The following PCDH15 variants were observed in gnomAD, a reference collection of about 807,000 sequenced individuals.
The protein encoded by PCDH15 is protocadherin-15.
In PCDH15, 129 loss-of-function variants were observed where a neutral mutation model predicts 178.5. The ratio of observed to expected loss-of-function variants is 0.72; its 90% CI spans 0.63 to 0.84. The LOEUF (loss-of-function observed/expected upper bound fraction) is 0.84. Among genes scored for constraint, PCDH15 ranks in the 40% least tolerant of loss-of-function variants. The pLI, the probability that PCDH15 is intolerant of heterozygous loss-of-function variation, is 0.00. For synonymous variants in PCDH15, 800 were observed against 732.0 expected (o/e 1.09, Z -1.50); for missense variants, 2,230 against 2,099.9 (o/e 1.06, Z -1.21).
intron 2 of PCDH15, among the ~76,000 whole-genome samples, chr10:55,341,786 TATATATATATATATATATA>T (rs1440805445): frequency 6.8e-3 from 87 of 12,804 alleles, no homozygotes; most frequent in African/African-American, 0.014. Flanking sequence ...TATATATATA[TATATATATATATATATATA>T]TTTTTTTTTT....
chr10:54,603,819 C>A (rs1484177768), intron 2 of PCDH15, among the ~76,000 whole-genome samples: 1 of 151,964 alleles, frequency 6.6e-6, no homozygotes, highest in African/African-American at 2.4e-5. Context: ...CACATTCTCT[C>A]TTCTTCCAAG....
At chr10:53,825,203 G>A (rs545195200) in intron 32 of PCDH15, 2 of 1,498,180 alleles carry the variant, frequency 1.3e-6, no homozygotes, top group South Asian at 2.6e-5. Context: ...TTTTACTAGA[G>A]TTAATTTAAA....
chr10:55,526,633 C>T (rs1034984953), intron 2 of PCDH15, among the ~76,000 whole-genome samples: 9 of 152,024 alleles, frequency 5.9e-5, no homozygotes, highest in African/African-American at 2.2e-4. Context: ...CATCTTTGCA[C>T]CACTCTGCTA....
At chr10:55,280,361 C>T (rs1842699603) in intron 1 of PCDH15, among the ~76,000 whole-genome samples, 1 of 146,890 alleles carries the variant, frequency 6.8e-6, no homozygotes, top group Admixed American at 6.9e-5. Flanking sequence ...TCACTGCAAC[C>T]TCCGCCTCCC....
At chr10:55,188,136 A>G (rs934223137) in intron 1 of PCDH15, among the ~76,000 whole-genome samples, 2 of 151,986 alleles carry the variant, frequency 1.3e-5, no homozygotes, top group African/African-American at 4.8e-5. Flanking sequence ...AGTTTAAAAC[A>G]TGTGCAACTG....
At position 54,450,512 on chromosome 10, in the gene PCDH15, A is replaced by T. The variant is rs373543997; in HGVS notation, c.158-71570T>A. ...TATCTTCTTACGGCTTCTTGGTTTA[A>T]TAGGATAATAAAATTTCTAAAGCAG... On this transcript the variant is annotated intron_variant, in intron 3 of 37. Coordinates refer to ENST00000644397, the MANE Select transcript of PCDH15 (RefSeq NM_001384140.1). Among the ~76,000 whole-genome samples the T allele has an allele frequency of 1.5e-4, 22 of 151,668 alleles. No individual in the cohort carries two copies. In the East Asian group the frequency reaches 2.1e-3, roughly 15 times the overall value.
intron 6 of PCDH15, among the ~76,000 whole-genome samples, chr10:54,332,771 G>T (rs140759733): frequency 6.0e-4 from 91 of 151,846 alleles, no homozygotes; most frequent in African/African-American, 2.1e-3. Context: ...TTTTTTTGTT[G>T]TTGACAGTTT....
Position 55,360,576 on chromosome 10 carries a change from A to T in PCDH15, c.-155-193925T>A, listed in dbSNP as rs188551382. Reference sequence around the variant, plus strand: ...TTGAGCCTGCAATTCATAAAAGAGAATACCCAAATGGATAATACACATATA... The same window carrying T: ...TTGAGCCTGCAATTCATAAAAGAGATTACCCAAATGGATAATACACATATA... On this transcript the variant is annotated intron_variant, in intron 2 of 5. Coordinates refer to the PCDH15 transcript ENST00000613346. 5.2e-3 allele frequency among the ~76,000 whole-genome samples: 784 copies of T among 152,126 alleles called. 11 individuals carry two copies. The highest frequency in any genetic ancestry group is 0.018 in the African/African-American group (739 of 41,548).
At chr10:54,052,629 T>G (rs2093802408) in intron 18 of PCDH15, among the ~76,000 whole-genome samples, 1 of 152,120 alleles carries the variant, frequency 6.6e-6, no homozygotes, top group African/African-American at 2.4e-5. Flanking sequence ...CAGATGAGAC[T>G]TAGGACTTGG....
intron 2 of PCDH15, among the ~76,000 whole-genome samples, chr10:55,607,059 CA>C (rs1422398145): frequency 1.3e-5 from 2 of 152,008 alleles, no homozygotes; most frequent in African/African-American, 4.8e-5. Flanking sequence ...AAGAAAAAAA[CA>C]AACAACCCTA....
chr10:55,359,442 A>T (rs920996166), intron 2 of PCDH15, among the ~76,000 whole-genome samples: 1 of 151,902 alleles, frequency 6.6e-6, no homozygotes, highest in Non-Finnish European at 1.5e-5. Flanking sequence ...AAGCAAGCAT[A>T]GTGGTGAGGA....
At chr10:55,044,968 T>C (rs1339210981) in intron 2 of PCDH15, among the ~76,000 whole-genome samples, 1 of 152,102 alleles carries the variant, frequency 6.6e-6, no homozygotes, top group East Asian at 1.9e-4. Context: ...AAATATTATA[T>C]GTTTCATCAC....
At position 53,938,959 on chromosome 10, in the gene PCDH15, G is replaced by T. The variant is rs368331130; in HGVS notation, c.3233-4C>A. ...ATGTTATTAATTCCAAATGTATCTA[G>T]AAATTAAAATACAATTACCTGGTCA... On this transcript the variant is annotated splice_region_variant and splice_polypyrimidine_tract_variant and intron_variant, in intron 24 of 37. Coordinates refer to ENST00000644397, the MANE Select transcript of PCDH15 (RefSeq NM_001384140.1). 1.2e-6 allele frequency: 2 copies of T among 1,611,540 alleles called. No homozygotes were observed. Among genetic ancestry groups the T allele is most frequent in the East Asian group, 2.2e-5 (1 of 44,818 alleles).
intron 2 of PCDH15, among the ~76,000 whole-genome samples, chr10:55,428,886 T>C: frequency 6.6e-6 from 1 of 152,026 alleles, no homozygotes; most frequent in East Asian, 1.9e-4. Context: ...CCATTATTTT[T>C]CCATTTTATG....
intron 3 of PCDH15, among the ~76,000 whole-genome samples, chr10:54,851,723 C>G (rs1953624252): frequency 6.6e-6 from 1 of 151,980 alleles, no homozygotes; most frequent in Admixed American, 6.6e-5. Flanking sequence ...GCCTCCCAAA[C>G]TACGCCTGGC....
intron 3 of PCDH15, among the ~76,000 whole-genome samples, chr10:54,856,282 A>T (rs1167418536): frequency 6.6e-6 from 1 of 152,136 alleles, no homozygotes; most frequent in Non-Finnish European, 1.5e-5. Context: ...ATATGAGGGT[A>T]TGGGGCAGGA....
At chr10:54,798,138 C>T (rs540455858) in intron 1 of PCDH15, among the ~76,000 whole-genome samples, 1 of 151,860 alleles carries the variant, frequency 6.6e-6, no homozygotes, top group Non-Finnish European at 1.5e-5. Context: ...ATTTCTATGG[C>T]GACTCTATCA....
At chr10:55,203,739 A>G (rs1245892719) in intron 1 of PCDH15, among the ~76,000 whole-genome samples, 2 of 152,120 alleles carry the variant, frequency 1.3e-5, no homozygotes, top group Admixed American at 1.3e-4. Flanking sequence ...AAACTTTGGA[A>G]AGATTCCTAA....
chr10:54,147,047 T>C (rs2044051838), intron 14 of PCDH15, among the ~76,000 whole-genome samples: 2 of 146,872 alleles, frequency 1.4e-5, no homozygotes, highest in Admixed American at 6.9e-5. Flanking sequence ...AATATATATA[T>C]TTGTTCATAA....
Sources: gnomAD v4.1 joint callset for allele counts (sites outside exome capture counted in the v4.1 genomes callset) on GRCh38, gnomAD v4.1.1 for gene constraint, MANE v1.5 for transcripts, NCBI Gene and HGNC (gene_info 2026-07-23, HGNC 2026-07-21) for gene names.